The following PHF20 variants were observed in gnomAD, a reference collection of about 807,000 sequenced individuals.
PHF20 encodes PHD finger protein 20, also known as glioma-expressed antigen 2.
In PHF20, 23 loss-of-function variants were observed where a neutral mutation model predicts 113.5. The ratio of observed to expected loss-of-function variants is 0.20; its 90% CI spans 0.15 to 0.29. The LOEUF is 0.29. Ranked by LOEUF, PHF20 falls within the 10% of genes least tolerant of loss-of-function variation. The pLI, the probability that PHF20 is intolerant of heterozygous loss-of-function variation, is 1.00. For synonymous variants in PHF20, 434 were observed against 457.3 expected, an observed-to-expected ratio of 0.95 and a Z score of 0.65; for missense variants, 943 against 1,219.6, an observed-to-expected ratio of 0.77 and a Z score of 3.38.
rs775094069 is a variant in PHF20, at chr20:35,863,321, T to G, written c.729T>G (p.Asn243Lys). Residue 243 changes from asparagine (N) to lysine (K), a missense_variant, in exon 6 of 18, where the codon AAT becomes AAG. Transcript: ENST00000374012. ...GDAQVDKKPE[N>K]DIVKSPQENL... ...CCCAAGTGGATAAGAAACCTGAAAA[T>G]GACATTGTGAAGAGTCCACAAGAAA... 3.1e-6 allele frequency: 5 copies of G among 1,613,890 alleles called. No homozygotes were observed. In the South Asian group the frequency reaches 5.5e-5, roughly 18 times the overall value.
In PHF20 at chr20:35,938,788, A is replaced by G. The variant is rs2055917850; in HGVS notation, c.2392A>G (p.Thr798Ala). The G allele has an allele frequency of 6.2e-7, 1 of 1,614,154 alleles. No homozygotes were observed. The change falls in exon 16 of 18, where the codon ACT becomes GCT. Residue 798 changes from threonine to alanine, a missense_variant. Thr to Ala is a moderately conservative substitution (Grantham distance 58). Around this residue, in one of 3 missense-constraint regions of PHF20, gnomAD observed 349 missense variants for 412.3 expected, o/e 0.85. Coordinates refer to ENST00000374012, the MANE Select transcript of PHF20 (RefSeq NM_016436.5). ...GRSHFRNIPV[T>A]DTRSKEEAPS... is the part of the protein sequence containing the mutation. ...ATCTCATTTCAGAAACATCCCTGTC[A>G]CTGACACCAGGAGCAAGGAGGAAGC...
chr20:35,797,675 G>A (rs1392867265), intron 1 of PHF20, among the ~76,000 whole-genome samples: 8 of 132,686 alleles, frequency 6.0e-5, no homozygotes, highest in Middle Eastern at 4.4e-3. Context: ...TTTTTGAGAT[G>A]GAATCTTGCT....
intron 9 of PHF20, chr20:35,878,464 AAC>A: frequency 1.8e-6 from 1 of 555,202 alleles, no homozygotes. Context: ...TATGTCGACA[AAC>A]ACAGATGTTT....
chr20:35,806,915 C>T (rs746903895), intron 2 of PHF20, among the ~76,000 whole-genome samples: 10 of 151,582 alleles, frequency 6.6e-5, no homozygotes, highest in Non-Finnish European at 8.8e-5. Flanking sequence ...CCTGCCTCAG[C>T]CTCCCGGGTA....
chr20:35,860,237 A>ATTT (rs34253757), intron 5 of PHF20, among the ~76,000 whole-genome samples: 4 of 129,756 alleles, frequency 3.1e-5, no homozygotes, highest in Non-Finnish European at 3.3e-5. Flanking sequence ...TTTCTAAGAA[A>ATTT]TTTTTTTTTT....
At chr20:35,812,637 A>G (rs531299004) in intron 2 of PHF20, among the ~76,000 whole-genome samples, 1 of 152,236 alleles carries the variant, frequency 6.6e-6, no homozygotes, top group African/African-American at 2.4e-5. Context: ...TTTCAGTGGT[A>G]ATGCCGTGTG....
At chr20:35,935,078 C>G (rs1258411303) in intron 15 of PHF20, among the ~76,000 whole-genome samples, 1 of 151,704 alleles carries the variant, frequency 6.6e-6, no homozygotes, top group Non-Finnish European at 1.5e-5. Flanking sequence ...CCAGGCTGGT[C>G]AAGTGATCTA....
At chr20:35,821,477 G>A (rs1249721145) in intron 2 of PHF20, among the ~76,000 whole-genome samples, 4 of 146,408 alleles carry the variant, frequency 2.7e-5, no homozygotes, top group South Asian at 2.2e-4. Flanking sequence ...ATAGCAAAAC[G>A]CTGTCTCTAC....
intron 2 of PHF20, among the ~76,000 whole-genome samples, chr20:35,828,422 A>G (rs1444172340): frequency 6.6e-6 from 1 of 152,056 alleles, no homozygotes; most frequent in African/African-American, 2.4e-5. Flanking sequence ...CCCCGGCCCC[A>G]TGATGTTTCT....
chr20:35,844,727 A>C (rs2042593050), intron 3 of PHF20, among the ~76,000 whole-genome samples: 1 of 152,090 alleles, frequency 6.6e-6, no homozygotes, highest in East Asian at 1.9e-4. Flanking sequence ...CCTAATTTAG[A>C]ATATTTTTAG....
intron 1 of PHF20, among the ~76,000 whole-genome samples, chr20:35,786,055 A>C (rs981878027): frequency 1.3e-5 from 2 of 150,298 alleles, no homozygotes; most frequent in Non-Finnish European, 3.0e-5. Context: ...ACAAAAAAAA[A>C]AACAAATCTT....
intron 6 of PHF20, among the ~76,000 whole-genome samples, chr20:35,867,547 C>A (rs1426790543): frequency 6.6e-6 from 1 of 152,190 alleles, no homozygotes; most frequent in African/African-American, 2.4e-5. Context: ...AGGCGTGAGC[C>A]ACCACACCCA....
rs979518392 is a variant in PHF20, at chr20:35,879,608, A to G, written c.1282+7779A>G. The stretch of plus-strand genomic sequence containing the variant: ...CAGTGTACCCAAACTTTTATATACC[A>G]TCGAATGTTATTACACTTGTGAAAT... On this transcript the variant is annotated intron_variant, in intron 9 of 17. Coordinates refer to ENST00000374012, the MANE Select transcript of PHF20 (RefSeq NM_016436.5). Among the ~76,000 whole-genome samples, 114 of 151,990 alleles carry G rather than the reference A, an allele frequency of 7.5e-4. 2 individuals are homozygous for G. The highest frequency in any genetic ancestry group is 2.6e-3 in the African/African-American group (109 of 41,386).
At chr20:35,814,892 A>AAAAAAAAAAAAT (rs2042043682) in intron 2 of PHF20, among the ~76,000 whole-genome samples, 1 of 110,182 alleles carries the variant, frequency 9.1e-6, no homozygotes, top group Non-Finnish European at 1.9e-5. Flanking sequence ...AAAAAAAAAT[A>AAAAAAAAAAAAT]AAATAAATAA....
intron 2 of PHF20, 134 bp from the exon 3 acceptor site, chr20:35,842,439 A>G (rs1600812516): frequency 1.4e-6 from 1 of 724,868 alleles, no homozygotes; most frequent in East Asian, 2.6e-5. Flanking sequence ...ATTTGACCCA[A>G]CTACACAGAG....
chr20:35,780,161 CA>C (rs1309807389), intron 1 of PHF20, among the ~76,000 whole-genome samples: 1 of 151,038 alleles, frequency 6.6e-6, no homozygotes, highest in African/African-American at 2.4e-5. Flanking sequence ...AACTACAAAT[CA>C]AACAGGTGGC....
intron 1 of PHF20, among the ~76,000 whole-genome samples, chr20:35,788,554 C>T (rs1424709432): frequency 6.6e-6 from 1 of 151,678 alleles, no homozygotes; most frequent in Non-Finnish European, 1.5e-5. Flanking sequence ...GTTTTTATTT[C>T]CATTTTGCCA....
At chr20:35,787,420 C>A (rs2146840208) in intron 1 of PHF20, among the ~76,000 whole-genome samples, 1 of 151,802 alleles carries the variant, frequency 6.6e-6, no homozygotes, top group African/African-American at 2.4e-5. Context: ...CTCAGGTGAT[C>A]TGCCCGCCTC....
At chr20:35,910,206 C>T (rs954482073) in intron 10 of PHF20, among the ~76,000 whole-genome samples, 4 of 152,006 alleles carry the variant, frequency 2.6e-5, no homozygotes, top group African/African-American at 9.7e-5. Context: ...ATGAGATATC[C>T]AGAGTAGATA....
Sources: gnomAD v4.1 joint callset for allele counts (sites outside exome capture counted in the v4.1 genomes callset) on GRCh38, gnomAD v4.1.1 for gene constraint, gnomAD v4.1.1 regional missense constraint, MANE v1.5 for transcripts, NCBI Gene and HGNC (gene_info 2026-07-23, HGNC 2026-07-21) for gene names.